Variants in CACNA1B observed in about 807,000 individuals in gnomAD.
The protein encoded by CACNA1B is voltage-dependent N-type calcium channel subunit alpha-1B.
A neutral mutation model predicts 247.2 loss-of-function variants in CACNA1B; 70 were observed. The observed-to-expected ratio is 0.28, with a 90% CI of 0.23 to 0.35. The LOEUF (loss-of-function observed/expected upper bound fraction) is 0.35, where lower values mean the gene tolerates loss of function less well. Ranked by LOEUF, CACNA1B falls within the 10% of genes least tolerant of loss-of-function variation. The probability of loss-of-function intolerance (pLI) is 1.00; values close to 1 mark genes in which losing one functional copy is unlikely to be tolerated. For synonymous variants in CACNA1B, 1,231 were observed against 1,294.4 expected, an observed-to-expected ratio of 0.95 and a Z score of 1.05; for missense variants, 2,367 against 3,197.4, an observed-to-expected ratio of 0.74 and a Z score of 6.26.
At chr9:137,967,076 A>T (rs557726283) in intron 10 of CACNA1B, among the ~76,000 whole-genome samples, 3 of 151,730 alleles carry the variant, frequency 2.0e-5, no homozygotes, top group Non-Finnish European at 2.9e-5. Context: ...CTTCATCCCA[A>T]GTTCTGCTGC....
rs1033231953 is a variant in CACNA1B, at chr9:137,913,341, A to G, written c.622+70A>G. On this transcript the variant is annotated intron_variant, in intron 4 of 46. Transcript: ENST00000371372. This position sits in a 1 kb window ranked among gnomAD's most constrained non-coding sequence, Gnocchi z 5.2. The stretch of plus-strand genomic sequence containing the variant: ...CTCCTCTCCTACCCTCACCACGGAC[A>G]TGGCCATGGCCATGGTTTGGCTTTG... 1 of 1,165,320 alleles carries G rather than the reference A, an allele frequency of 8.6e-7. No individual in the cohort carries two copies. The highest frequency in any genetic ancestry group is 1.5e-5 in the African/African-American group (1 of 65,918). 72.2% of individuals were successfully genotyped at this position (1,165,320 alleles called of 1,614,324 possible). A position where few individuals can be genotyped will look rare whatever the true frequency, so the allele number is the denominator to read the frequency against.
chr9:137,900,295 G>A (rs1461167515), intron 3 of CACNA1B, among the ~76,000 whole-genome samples: 2 of 152,170 alleles, frequency 1.3e-5, no homozygotes, highest in African/African-American at 4.8e-5. Context: ...AGGGTTAGGG[G>A]GCCCAGAAGA....
intron 25 of CACNA1B, 95 bp from the exon 26 acceptor site, chr9:138,053,751 C>T (rs1959387857): frequency 1.1e-6 from 1 of 907,058 alleles, no homozygotes; most frequent in South Asian, 1.5e-5. Flanking sequence ...CATCGTGGCT[C>T]CACCCCTCCC....
At position 138,014,678 on chromosome 9, in the gene CACNA1B, C is replaced by T. The variant is rs1326225083; in HGVS notation, c.2267+1443C>T. Among the ~76,000 whole-genome samples the T allele has an allele frequency of 6.6e-6, 1 of 152,118 alleles. No homozygotes were observed. The highest frequency in any genetic ancestry group is 2.4e-5 in the African/African-American group (1 of 41,418). Reference sequence around the variant, plus strand: ...TAGATGGGGCGAGTGGTGTGTTCAGCTCCTGGCCTCGCGCAGGCCTCGTGT... The same window carrying T: ...TAGATGGGGCGAGTGGTGTGTTCAGTTCCTGGCCTCGCGCAGGCCTCGTGT... On this transcript the variant is annotated intron_variant, in intron 18 of 46. Coordinates refer to ENST00000371372, the MANE Select transcript of CACNA1B (RefSeq NM_000718.4). This position sits in a 1 kb window ranked among gnomAD's most constrained non-coding sequence, Gnocchi z 6.2.
At chr9:138,017,903 G>C (rs1241185736) in intron 18 of CACNA1B, among the ~76,000 whole-genome samples, 1 of 120,536 alleles carries the variant, frequency 8.3e-6, no homozygotes, top group Non-Finnish European at 1.7e-5. Flanking sequence ...GTGGTCAGGT[G>C]CAGTTAGGCC....
In CACNA1B at chr9:138,112,136, C is replaced by CAT. The variant is rs74279661; in HGVS notation, c.5429-262_5429-261insAT. Among the ~76,000 whole-genome samples the CAT allele has an allele frequency of 1.0e-3, 152 of 152,268 alleles. 2 individuals are homozygous for CAT. Among genetic ancestry groups the CAT allele is most frequent in the African/African-American group, 3.2e-3 (135 of 41,550 alleles). On this transcript the variant is annotated intron_variant, in intron 39 of 46. Transcript: ENST00000371372. ...CGTGCAGTGCACATGCATGCACACA[C>CAT]GTCGGACACACACGTGTGCACATGA...
At position 137,954,905 on chromosome 9, in the gene CACNA1B, G is replaced by GGAGA. The variant is rs143201199; in HGVS notation, c.1071-778_1071-775dup. Among the ~76,000 whole-genome samples, 2 of 114,692 alleles carry GGAGA rather than the reference G, an allele frequency of 1.7e-5. No individual in the cohort carries two copies. The highest frequency in any genetic ancestry group is 4.4e-5 in the African/African-American group (1 of 22,518). 75.2% of individuals were successfully genotyped at this position (114,692 alleles called of 152,430 possible). A position where few individuals can be genotyped will look rare whatever the true frequency, so the allele number is the denominator to read the frequency against. ...GAGAGAGAGAGAGAGAGAGAGAGGGGGAGAGAGAGAGAGAGAGAATGGCTT... is the reference window on the plus strand; with the variant it reads ...GAGAGAGAGAGAGAGAGAGAGAGGGGGAGAGAGAGAGAGAGAGAGAGAATGGCTT... On this transcript the variant is annotated intron_variant, in intron 7 of 46. Transcript: ENST00000371372. This position sits in a 1 kb window ranked among gnomAD's most constrained non-coding sequence, Gnocchi z 4.1.
Position 138,122,343 on chromosome 9 carries a change from G to A in CACNA1B, c.*344G>A, listed in dbSNP as rs199986824. The A allele has an allele frequency of 2.9e-6, 1 of 344,906 alleles. No homozygotes were observed. Among genetic ancestry groups the A allele is most frequent in the Middle Eastern group, 8.6e-4 (1 of 1,160 alleles). 21.4% of individuals were successfully genotyped at this position (344,906 alleles called of 1,614,324 possible). A position where few individuals can be genotyped will look rare whatever the true frequency, so the allele number is the denominator to read the frequency against. On this transcript the variant is annotated 3_prime_UTR_variant, in exon 47 of 47. Coordinates refer to ENST00000371372, the MANE Select transcript of CACNA1B (RefSeq NM_000718.4). ...TCCAGCATGGGTGCTTGGAGCCGTT[G>A]TGAGGAGCTCTGCGTCCTGTGGGGA...
rs531072140 is a variant in CACNA1B, at chr9:138,011,244, G to T, written c.2160+1167G>T. ...TGGAGCCCGGGGCCCTAGCTGTCCT[G>T]GGTGGGCTGCACTGGAGCGCTGGGG... is the stretch of plus-strand genomic sequence containing the variant. On this transcript the variant is annotated intron_variant, in intron 17 of 46. Transcript: ENST00000371372. The surrounding 1 kb of genome is among the most constrained non-coding windows in gnomAD (Gnocchi z 4.2). Among the ~76,000 whole-genome samples the T allele has an allele frequency of 6.6e-6, 1 of 152,316 alleles. No homozygotes were observed. Among genetic ancestry groups the T allele is most frequent in the East Asian group, 1.9e-4 (1 of 5,164 alleles).
intron 38 of CACNA1B, among the ~76,000 whole-genome samples, chr9:138,103,478 G>A (rs1961322872): frequency 6.6e-6 from 1 of 152,154 alleles, no homozygotes; most frequent in Admixed American, 6.5e-5. Context: ...TCGGGGCCCA[G>A]GAGTCATGGG....
intron 20 of CACNA1B, among the ~76,000 whole-genome samples, chr9:138,038,042 G>A (rs897573939): frequency 2.6e-5 from 4 of 152,080 alleles, no homozygotes; most frequent in Non-Finnish European, 5.9e-5. Context: ...ATTAAACAAG[G>A]TACTTGGTTC....
intron 36 of CACNA1B, among the ~76,000 whole-genome samples, chr9:138,081,953 A>T (rs1960535353): frequency 6.6e-6 from 1 of 151,184 alleles, no homozygotes; most frequent in South Asian, 2.1e-4. Flanking sequence ...ACATCCACAT[A>T]CAAAAGAGTG....
At chr9:138,040,641 G>A (rs560603601) in intron 20 of CACNA1B, 16 of 402,878 alleles carry the variant, frequency 4.0e-5, no homozygotes, top group Middle Eastern at 3.5e-4. Flanking sequence ...GGCAGGAAGC[G>A]TCCAGCACGG....
chr9:137,930,807 G>T (rs1201388193), intron 6 of CACNA1B, among the ~76,000 whole-genome samples: 4 of 150,826 alleles, frequency 2.7e-5, no homozygotes, highest in Non-Finnish European at 5.9e-5. Context: ...ATTTTTTTTT[G>T]ATGGATTGAC....
At chr9:137,936,272 T>C (rs1957667486) in intron 6 of CACNA1B, among the ~76,000 whole-genome samples, 1 of 152,250 alleles carries the variant, frequency 6.6e-6, no homozygotes, top group Admixed American at 6.5e-5. Context: ...CATGTGCCTG[T>C]TGGCTGCATA....
Position 138,078,229 on chromosome 9 carries a change from G to A in CACNA1B, c.5065G>A (p.Val1689Ile), listed in dbSNP as rs200485916. The change falls in exon 36 of 47, where the codon GTC (valine) becomes ATC (isoleucine). Residue 1689 changes from valine (V) to isoleucine (I), a missense_variant. Coordinates refer to ENST00000371372, the MANE Select transcript of CACNA1B (RefSeq NM_000718.4). ...AAGTGACTTTGCCTACTTCTACTTC[G>A]TCTCCTTCATCTTCCTGTGCTCCTT... ...CGSDFAYFYF[V>I]SFIFLCSFLM... 134 of 1,613,782 alleles carry A rather than the reference G, an allele frequency of 8.3e-5. No homozygotes were observed. Among genetic ancestry groups the A allele is most frequent in the African/African-American group, 2.4e-4 (18 of 74,902 alleles).
chr9:137,984,701 G>T (rs1958335977), intron 13 of CACNA1B, among the ~76,000 whole-genome samples: 1 of 152,186 alleles, frequency 6.6e-6, no homozygotes, highest in Admixed American at 6.5e-5. Context: ...GCTTCTCACT[G>T]AGCCAGCCTG....
chr9:138,111,142 C>T (rs551426292), intron 39 of CACNA1B, among the ~76,000 whole-genome samples: 1 of 152,336 alleles, frequency 6.6e-6, no homozygotes, highest in East Asian at 1.9e-4. Flanking sequence ...TTTGCCGTTA[C>T]TTCTATGGTC....
At position 137,913,114 on chromosome 9, in the gene CACNA1B, G is replaced by A; in HGVS notation, c.531-66G>A. 3 of 1,224,086 alleles carry A rather than the reference G, an allele frequency of 2.5e-6. No individual in the cohort carries two copies. The highest frequency in any genetic ancestry group is 3.6e-6 in the Non-Finnish European group (3 of 833,656). 75.8% of individuals were successfully genotyped at this position (1,224,086 alleles called of 1,614,324 possible). A position where few individuals can be genotyped will look rare whatever the true frequency, so the allele number is the denominator to read the frequency against. Reference sequence around the variant, plus strand: ...GGAGACATGACCCTGGTGGTGGGAGGAGTGTGTCCTCTTCCAGGCTCAATG... The same window carrying A: ...GGAGACATGACCCTGGTGGTGGGAGAAGTGTGTCCTCTTCCAGGCTCAATG... On this transcript the variant is annotated intron_variant, in intron 3 of 46. Transcript: ENST00000371372. The surrounding 1 kb of genome is among the most constrained non-coding windows in gnomAD (Gnocchi z 5.2).
Sources: allele counts gnomAD v4.1 joint callset (sites outside exome capture counted in the v4.1 genomes callset), GRCh38; gene constraint gnomAD v4.1.1; non-coding constraint Gnocchi (gnomAD v3.1); transcripts MANE v1.5; gene names NCBI Gene and HGNC (gene_info 2026-07-23, HGNC 2026-07-21).